The following DNAH6 variants were observed in gnomAD, a reference collection of about 807,000 sequenced individuals.
DNAH6 encodes the protein dynein axonemal heavy chain 6, also known as axonemal beta dynein heavy chain 6.
In DNAH6, 340 loss-of-function variants were observed where a neutral mutation model predicts 491.4. The observed-to-expected ratio is 0.69, with a 90% CI of 0.63 to 0.76. The LOEUF is 0.76. Among genes scored for constraint, DNAH6 ranks in the 30% least tolerant of loss-of-function variants. The probability of loss-of-function intolerance (pLI) is 0.00; values close to 1 mark genes in which losing one functional copy is unlikely to be tolerated. For synonymous variants in DNAH6, 1,603 were observed against 1,686.1 expected, an observed-to-expected ratio of 0.95 and a Z score of 1.21; for missense variants, 4,443 against 4,972.2, an observed-to-expected ratio of 0.89 and a Z score of 3.20.
At chr2:84,570,492 T>C (rs1681681374) in intron 11 of DNAH6, among the ~76,000 whole-genome samples, 1 of 152,152 alleles carries the variant, frequency 6.6e-6, no homozygotes, top group Non-Finnish European at 1.5e-5. Flanking sequence ...ATCAGCACTC[T>C]GTGTCTAGCT....
intron 68 of DNAH6, among the ~76,000 whole-genome samples, chr2:84,793,486 A>AAC (rs1483013580): frequency 0.025 from 3,738 of 152,280 alleles, 126 homozygotes; most frequent in African/African-American, 0.081. Context: ...AATGTATGTT[A>AAC]GGACACCCTT....
At chr2:84,601,010 A>T (rs1280874952) in intron 18 of DNAH6, among the ~76,000 whole-genome samples, 7 of 131,598 alleles carry the variant, frequency 5.3e-5, no homozygotes, top group African/African-American at 2.6e-4. Context: ...ATACTATAAT[A>T]ATATTATAAT....
intron 62 of DNAH6, among the ~76,000 whole-genome samples, chr2:84,741,699 C>A (rs1285535811): frequency 6.6e-6 from 1 of 152,226 alleles, no homozygotes. Flanking sequence ...CCTGGAGCAG[C>A]ACAGTGGCTG....
intron 68 of DNAH6, 39 bp from the exon 69 acceptor site, chr2:84,796,267 A>T (rs1395738064): frequency 1.5e-6 from 2 of 1,365,486 alleles, no homozygotes; most frequent in South Asian, 1.7e-5. Context: ...TCAATTTTTT[A>T]AAAACAGCAA....
chr2:84,702,849 C>T (rs1273577803), intron 49 of DNAH6, among the ~76,000 whole-genome samples: 1 of 152,158 alleles, frequency 6.6e-6, no homozygotes, highest in African/African-American at 2.4e-5. Flanking sequence ...GCCAAGCTTT[C>T]TGACTCACCT....
chr2:84,556,732 C>T (rs773718846), intron 10 of DNAH6, among the ~76,000 whole-genome samples: 5 of 152,164 alleles, frequency 3.3e-5, no homozygotes, highest in Non-Finnish European at 7.3e-5. Context: ...ACATACCTAA[C>T]TTACCATGAG....
intron 11 of DNAH6, among the ~76,000 whole-genome samples, chr2:84,565,326 G>A (rs28874743): frequency 0.14 from 10,368 of 72,278 alleles, 1,163 homozygotes; most frequent in African/African-American, 0.3. Context: ...TCTGGTCCAG[G>A]GCTTTTTTTT....
chr2:84,573,498 G>T lies in DNAH6; in HGVS notation c.1835G>T (p.Arg612Leu). The change falls in exon 12 of 77, where the codon CGC (arginine) becomes CTC (leucine). Residue 612 changes from arginine to leucine, a missense_variant. By Grantham distance (102) the Arg-to-Leu change is moderately radical (BLOSUM62 -2). Coordinates refer to ENST00000389394, the MANE Select transcript of DNAH6 (RefSeq NM_001370.2). ...ATTCAGGCCGCATTTGAATCAGCCC[G>T]CATCTATGCAGCTACCTTTGAAAAG... ...ETIQAAFESA[R>L]IYAATFEKFQ... The T allele has an allele frequency of 6.3e-7, 1 of 1,588,308 alleles. No individual in the cohort carries two copies. The highest frequency in any genetic ancestry group is 1.2e-5 in the South Asian group (1 of 85,600).
At position 84,669,491 on chromosome 2, in the gene DNAH6, G is replaced by C. The variant is rs1036729830; in HGVS notation, c.6287G>C (p.Gly2096Ala). 1.3e-5 allele frequency: 20 copies of C among 1,551,704 alleles called. No individual in the cohort carries two copies. The highest frequency in any genetic ancestry group is 1.7e-5 in the Non-Finnish European group (20 of 1,146,946). The stretch of plus-strand genomic sequence containing the variant: ...GTCAAGCATTCCGTGTTGTTTACTG[G>C]AATAACTGGAGTGGGCAAGGTAGGA... ...LAVKHSVLFT[G>A]ITGVGKSVIA... Residue 2096 changes from glycine to alanine, a missense_variant, in exon 38 of 77, where the codon GGA becomes GCA. Gly to Ala is a moderately conservative substitution (Grantham distance 60). Coordinates refer to ENST00000389394, the MANE Select transcript of DNAH6 (RefSeq NM_001370.2).
Position 84,813,071 on chromosome 2 carries a change from G to A in DNAH6, c.11939G>A (p.Arg3980Lys). 1 of 1,551,488 alleles carries A rather than the reference G, an allele frequency of 6.4e-7. No homozygotes were observed. The highest frequency in any genetic ancestry group is 1.2e-5 in the South Asian group (1 of 84,050). ...TTTCTCCTTCAGCTGTGGCTCAAAA[G>A]AGGACAGCCTAAGTCCTACTGGATC... ...RTSFVDLWLK[R>K]GQPKSYWISG... The change falls in exon 74 of 77, where the codon AGA becomes AAA. Residue 3980 changes from arginine (R) to lysine (K), a missense_variant. Physicochemically the swap from Arg to Lys is conservative, Grantham distance 26. Transcript: ENST00000389394.
chr2:84,492,288 T>G, the DNAH6 span, among the ~76,000 whole-genome samples: 1 of 152,200 alleles, frequency 6.6e-6, no homozygotes, highest in Non-Finnish European at 1.5e-5. Context: ...AGTAGAGACC[T>G]TCTGTTTTAC....
intron 2 of DNAH6, among the ~76,000 whole-genome samples, chr2:84,524,170 T>C (rs939896979): frequency 2.6e-5 from 4 of 152,078 alleles, no homozygotes; most frequent in Non-Finnish European, 5.9e-5. Context: ...TAGGTCTTCT[T>C]GAATTGAACC....
intron 57 of DNAH6, among the ~76,000 whole-genome samples, chr2:84,713,958 G>A (rs527464927): frequency 2.8e-4 from 43 of 152,268 alleles, no homozygotes; most frequent in Middle Eastern, 3.4e-3. Flanking sequence ...GACTCTAGAA[G>A]AACCCCTACT....
rs186886112 is a variant in DNAH6, at chr2:84,528,938, C to G, written c.434C>G (p.Ser145Cys). 1 of 1,549,732 alleles carries G rather than the reference C, an allele frequency of 6.5e-7. No individual in the cohort carries two copies. Among genetic ancestry groups the G allele is most frequent in the Admixed American group, 2.0e-5 (1 of 50,856 alleles). The change falls in exon 4 of 77, where the codon TCT (serine) becomes TGT (cysteine). Residue 145 changes from serine (S) to cysteine (C), a missense_variant. Coordinates refer to ENST00000389394, the MANE Select transcript of DNAH6 (RefSeq NM_001370.2). ...HRPYVEVFSP[S>C]PPKLPHTGIG... ...CCCTATGTTGAGGTGTTCTCTCCCTCTCCTCCTAAACTGCCACATACTGGT... is the reference window on the plus strand; with the variant it reads ...CCCTATGTTGAGGTGTTCTCTCCCTGTCCTCCTAAACTGCCACATACTGGT...
At chr2:84,776,383 G>A (rs1346446051) in intron 64 of DNAH6, among the ~76,000 whole-genome samples, 2 of 152,218 alleles carry the variant, frequency 1.3e-5, no homozygotes, top group Non-Finnish European at 2.9e-5. Context: ...TCAGGATATA[G>A]CTGTAGGATT....
the DNAH6 span, among the ~76,000 whole-genome samples, chr2:84,485,330 C>T: frequency 6.6e-6 from 1 of 151,810 alleles, no homozygotes; most frequent in Non-Finnish European, 1.5e-5. Flanking sequence ...GGAAGTGGGG[C>T]AGGATGCAGG....
intron 67 of DNAH6, among the ~76,000 whole-genome samples, chr2:84,786,591 G>A (rs2105245306): frequency 6.6e-6 from 1 of 152,236 alleles, no homozygotes; most frequent in Non-Finnish European, 1.5e-5. Context: ...GGAAAATTTT[G>A]AGATCAAGAG....
intron 42 of DNAH6, among the ~76,000 whole-genome samples, chr2:84,684,095 T>C (rs1018421862): frequency 8.5e-5 from 13 of 152,236 alleles, no homozygotes; most frequent in Non-Finnish European, 1.5e-4. Flanking sequence ...CTCTCAAAGC[T>C]GGCACACCAT....
chr2:84,757,901 T>C (rs1454486001), intron 63 of DNAH6, among the ~76,000 whole-genome samples: 1 of 152,214 alleles, frequency 6.6e-6, no homozygotes, highest in Non-Finnish European at 1.5e-5. Flanking sequence ...GGAATCCTCT[T>C]CATGGCTTTA....
Sources: gnomAD v4.1 joint callset for allele counts (sites outside exome capture counted in the v4.1 genomes callset) on GRCh38, gnomAD v4.1.1 for gene constraint, MANE v1.5 for transcripts, NCBI Gene and HGNC (gene_info 2026-07-23, HGNC 2026-07-21) for gene names.